SORCS3: variants seen among roughly 807,000 people sequenced by gnomAD.
SORCS3 encodes the protein VPS10 domain-containing receptor SorCS3.
A neutral mutation model predicts 146.3 loss-of-function variants in SORCS3; 57 were observed. The observed-to-expected ratio is 0.39, with a 90% CI of 0.31 to 0.49. The LOEUF is 0.49. Ranked by LOEUF, SORCS3 falls within the 20% of genes least tolerant of loss-of-function variation. The pLI is 0.92. For missense variants in SORCS3, 1,341 were observed against 1,575.5 expected, an observed-to-expected ratio of 0.85 and a Z score of 2.52; for synonymous variants, 653 against 618.5, an observed-to-expected ratio of 1.06 and a Z score of -0.83.
chr10:105,054,522 C>T (rs79939134), intron 5 of SORCS3, among the ~76,000 whole-genome samples: 8,916 of 151,212 alleles, frequency 0.059, 283 homozygotes, highest in Middle Eastern at 0.09. Context: ...ATTTTAATAA[C>T]TTAATAATTT....
intron 2 of SORCS3, among the ~76,000 whole-genome samples, chr10:104,861,267 T>C (rs919649364): frequency 2.0e-5 from 3 of 152,190 alleles, no homozygotes; most frequent in Admixed American, 6.5e-5. Context: ...GTGAAAAGCA[T>C]GCTCTCTGGC....
chr10:104,931,860 A>G (rs960752840), intron 3 of SORCS3, among the ~76,000 whole-genome samples: 7 of 152,236 alleles, frequency 4.6e-5, no homozygotes. Flanking sequence ...GAATAGCATG[A>G]AGATAGGATG....
At chr10:104,913,360 T>C (rs2018990127) in intron 2 of SORCS3, among the ~76,000 whole-genome samples, 1 of 152,108 alleles carries the variant, frequency 6.6e-6, no homozygotes, top group Non-Finnish European at 1.5e-5. Context: ...GGAAATAGCA[T>C]TATTAAGACT....
intron 4 of SORCS3, among the ~76,000 whole-genome samples, chr10:105,028,224 C>A (rs901469880): frequency 6.6e-6 from 1 of 152,168 alleles, no homozygotes; most frequent in African/African-American, 2.4e-5. Flanking sequence ...CTGTGTTTTC[C>A]CAGATTCTTA....
chr10:104,831,089 G>A (rs1178820744), intron 1 of SORCS3, among the ~76,000 whole-genome samples: 1 of 152,108 alleles, frequency 6.6e-6, no homozygotes, highest in African/African-American at 2.4e-5. Context: ...GCCTCCTAAA[G>A]TGTTGGGATT....
At chr10:105,238,500 G>C (rs1291541968) in intron 20 of SORCS3, among the ~76,000 whole-genome samples, 1 of 152,154 alleles carries the variant, frequency 6.6e-6, no homozygotes, top group Non-Finnish European at 1.5e-5. Context: ...AGAGGAAAGA[G>C]AGGGATTTTT....
At chr10:105,158,747 A>G (rs1210561270) in intron 10 of SORCS3, 145 bp from the exon 11 acceptor site, 9 of 627,322 alleles carry the variant, frequency 1.4e-5, no homozygotes, top group Non-Finnish European at 2.6e-5. Flanking sequence ...TCAGGTGCGG[A>G]TATCTCCTGC....
At chr10:104,685,315 C>T (rs2016031774) in intron 1 of SORCS3, among the ~76,000 whole-genome samples, 1 of 152,122 alleles carries the variant, frequency 6.6e-6, no homozygotes, top group Non-Finnish European at 1.5e-5. Flanking sequence ...CACTGGTCAC[C>T]CTGGGTTGCT....
At chr10:105,182,632 A>G (rs142442979) in intron 14 of SORCS3, among the ~76,000 whole-genome samples, 5 of 152,304 alleles carry the variant, frequency 3.3e-5, no homozygotes, top group Admixed American at 1.3e-4. Context: ...CGATAAATAC[A>G]TGAAATAATT....
intron 5 of SORCS3, among the ~76,000 whole-genome samples, chr10:105,049,993 GA>G (rs2133709792): frequency 6.6e-6 from 1 of 151,118 alleles, no homozygotes; most frequent in South Asian, 2.1e-4. Flanking sequence ...TAGAACACTA[GA>G]AAAACTATAT....
intron 2 of SORCS3, among the ~76,000 whole-genome samples, chr10:104,844,866 A>G (rs2018185793): frequency 6.6e-6 from 1 of 152,206 alleles, no homozygotes; most frequent in South Asian, 2.1e-4. Flanking sequence ...ACATCTGCAA[A>G]GAATCTTTTA....
intron 1 of SORCS3, among the ~76,000 whole-genome samples, chr10:104,687,054 C>A (rs1413167025): frequency 6.6e-6 from 1 of 152,120 alleles, no homozygotes; most frequent in Non-Finnish European, 1.5e-5. Context: ...TTCATCCATC[C>A]ATGTATGCAT....
At chr10:104,673,631 T>C (rs1365912435) in intron 1 of SORCS3, among the ~76,000 whole-genome samples, 2 of 151,974 alleles carry the variant, frequency 1.3e-5, no homozygotes, top group Non-Finnish European at 2.9e-5. Context: ...AATTTTTTTT[T>C]GGTAGAGACA....
intron 1 of SORCS3, among the ~76,000 whole-genome samples, chr10:104,724,303 C>T (rs1381455443): frequency 6.6e-6 from 1 of 152,052 alleles, no homozygotes; most frequent in East Asian, 1.9e-4. Flanking sequence ...GAATATTGGC[C>T]CCCACTCTCT....
At chr10:104,767,432 T>C (rs1037730927) in intron 1 of SORCS3, among the ~76,000 whole-genome samples, 3 of 152,122 alleles carry the variant, frequency 2.0e-5, no homozygotes, top group African/African-American at 7.2e-5. Context: ...AGGCTAAGCC[T>C]TACCTCCTGG....
chr10:105,157,029 T>C, intron 9 of SORCS3, 109 bp from the exon 10 acceptor site: 2 of 1,295,354 alleles, frequency 1.5e-6, no homozygotes, highest in Non-Finnish European at 2.2e-6. Flanking sequence ...CTTTTCTTGC[T>C]TGGAACCCCA....
chr10:104,712,857 T>C (rs1356517634), intron 1 of SORCS3, among the ~76,000 whole-genome samples: 1 of 152,138 alleles, frequency 6.6e-6, no homozygotes, highest in Non-Finnish European at 1.5e-5. Context: ...TATAGCAATT[T>C]ATAACCCATG....
rs138288275 is a variant in SORCS3, at chr10:105,158,860, C to G, written c.1630-32C>G. The stretch of plus-strand genomic sequence containing the variant: ...CAGGGGTACAGGTGTCTGGAATTTC[C>G]TAGAATGAAACTATTTCTTTCTCCA... On this transcript the variant is annotated intron_variant, in intron 10 of 26. Coordinates refer to ENST00000369701, the MANE Select transcript of SORCS3 (RefSeq NM_014978.3). The G allele has an allele frequency of 2.1e-5, 32 of 1,557,798 alleles. No individual in the cohort carries two copies. The East Asian group carries it at 6.5e-4, about 32-fold the overall frequency.
chr10:105,031,563 C>A (rs28446413), intron 4 of SORCS3, among the ~76,000 whole-genome samples: 9,004 of 152,236 alleles, frequency 0.059, 782 homozygotes, highest in African/African-American at 0.19. Flanking sequence ...GTTCATCCAT[C>A]TTCTGCTGAA....
Sources: allele counts gnomAD v4.1 joint callset (sites outside exome capture counted in the v4.1 genomes callset), GRCh38; gene constraint gnomAD v4.1.1; transcripts MANE v1.5; gene names NCBI Gene and HGNC (gene_info 2026-07-23, HGNC 2026-07-21).